NCAM1: variants seen among roughly 807,000 people sequenced by gnomAD.
The protein encoded by NCAM1 is antigen recognized by monoclonal antibody 5.1H11.
NCAM1 carries 14 observed loss-of-function variants against 109.8 expected under a neutral mutation model. The observed-to-expected ratio is 0.13, with a 90% confidence interval of 0.08 to 0.20. The LOEUF (loss-of-function observed/expected upper bound fraction) is 0.20, where lower values mean the gene tolerates loss of function less well. NCAM1 is among the 10% of genes least tolerant of loss of function. NCAM1 has a pLI of 1.00. For missense variants in NCAM1, 774 were observed against 1,109.9 expected, an observed-to-expected ratio of 0.70 and a Z score of 4.30; for synonymous variants, 418 against 442.9, an observed-to-expected ratio of 0.94 and a Z score of 0.70.
At chr11:113,204,021 G>T (rs2136914134) in intron 2 of NCAM1, among the ~76,000 whole-genome samples, 1 of 152,284 alleles carries the variant, frequency 6.6e-6, no homozygotes, top group East Asian at 1.9e-4. Context: ...TCCATCATTA[G>T]GGATAGGACC....
intron 12 of NCAM1, among the ~76,000 whole-genome samples, 154 bp downstream of exon 12, chr11:113,232,968 A>G (rs928009806): frequency 6.6e-6 from 1 of 152,178 alleles, no homozygotes; most frequent in Non-Finnish European, 1.5e-5. Context: ...GAGCCATTGG[A>G]TCAGCGCATG....
intron 1 of NCAM1, among the ~76,000 whole-genome samples, chr11:113,004,064 C>T (rs1348478774): frequency 1.3e-5 from 2 of 152,122 alleles, no homozygotes; most frequent in Non-Finnish European, 2.9e-5. Context: ...TTCTTCCAAC[C>T]GTGGAAAAAC....
intron 14 of NCAM1, among the ~76,000 whole-genome samples, chr11:113,239,026 A>T (rs782259662): frequency 6.6e-6 from 1 of 152,160 alleles, no homozygotes; most frequent in Non-Finnish European, 1.5e-5. Flanking sequence ...AGACCTTTCC[A>T]TGTTTAGGGA....
chr11:113,050,988 A>G (rs963899496), intron 1 of NCAM1, among the ~76,000 whole-genome samples: 11 of 152,220 alleles, frequency 7.2e-5, no homozygotes, highest in South Asian at 4.2e-4. Context: ...ATCATTTTCT[A>G]TCTTGTCCTC....
At chr11:113,051,764 CTG>C (rs1417698064) in intron 1 of NCAM1, among the ~76,000 whole-genome samples, 1 of 152,180 alleles carries the variant, frequency 6.6e-6, no homozygotes, top group Non-Finnish European at 1.5e-5. Flanking sequence ...ATAGCTAACA[CTG>C]AGCAGTAGTT....
intron 1 of NCAM1, among the ~76,000 whole-genome samples, chr11:113,170,915 T>A (rs1205987529): frequency 6.6e-6 from 1 of 152,216 alleles, no homozygotes; most frequent in Non-Finnish European, 1.5e-5. Context: ...TGAGCCGATG[T>A]TGGTGTTGCA....
At chr11:113,201,165 G>A (rs1239253977) in intron 1 of NCAM1, among the ~76,000 whole-genome samples, 2 of 152,046 alleles carry the variant, frequency 1.3e-5, no homozygotes, top group African/African-American at 2.4e-5. Flanking sequence ...TAGGAAGGCC[G>A]CACCCCCTTC....
At chr11:113,201,239 A>G (rs990271932) in intron 1 of NCAM1, among the ~76,000 whole-genome samples, 1 of 152,116 alleles carries the variant, frequency 6.6e-6, no homozygotes, top group Non-Finnish European at 1.5e-5. Flanking sequence ...CTCTCCATCA[A>G]ATAAGCATAG....
intron 1 of NCAM1, among the ~76,000 whole-genome samples, chr11:112,966,241 G>A (rs1555065336): frequency 6.6e-6 from 1 of 152,200 alleles, no homozygotes; most frequent in Non-Finnish European, 1.5e-5. Flanking sequence ...TGTATAAAAT[G>A]AAGTCATTTG....
chr11:113,043,815 A>G (rs1328801706), intron 1 of NCAM1, among the ~76,000 whole-genome samples: 1 of 151,278 alleles, frequency 6.6e-6, no homozygotes, highest in African/African-American at 2.4e-5. Context: ...TCCCTCCCCA[A>G]CCTGCAGGGC....
At chr11:113,255,614 A>T (rs1301064784) in intron 15 of NCAM1, among the ~76,000 whole-genome samples, 2 of 151,482 alleles carry the variant, frequency 1.3e-5, no homozygotes, top group African/African-American at 2.4e-5. Context: ...AAAAAAAAAA[A>T]AAAGCCTATT....
intron 13 of NCAM1, among the ~76,000 whole-genome samples, chr11:113,234,783 T>C (rs1555117926): frequency 6.6e-6 from 1 of 152,182 alleles, no homozygotes; most frequent in Non-Finnish European, 1.5e-5. Context: ...CTGTTTGGTC[T>C]GCCATCTGTA....
At chr11:113,253,001 A>G (rs1329694843) in intron 15 of NCAM1, among the ~76,000 whole-genome samples, 2 of 151,862 alleles carry the variant, frequency 1.3e-5, no homozygotes, top group East Asian at 3.8e-4. Flanking sequence ...AAAATAATAC[A>G]CACATATCAG....
At chr11:112,972,283 T>C (rs1484680434) in intron 1 of NCAM1, among the ~76,000 whole-genome samples, 6 of 152,168 alleles carry the variant, frequency 3.9e-5, no homozygotes, top group Non-Finnish European at 5.9e-5. Context: ...TAGTAATCTA[T>C]ATTTTTATAT....
intron 17 of NCAM1, chr11:113,269,868 T>C: frequency 2.4e-6 from 1 of 410,620 alleles, no homozygotes; most frequent in South Asian, 2.6e-5. Context: ...AGCAGCGCCC[T>C]CCAACTGCCT....
At chr11:113,129,163 T>C (rs1032987197) in intron 1 of NCAM1, among the ~76,000 whole-genome samples, 3 of 152,152 alleles carry the variant, frequency 2.0e-5, no homozygotes, top group Non-Finnish European at 4.4e-5. Flanking sequence ...CACTTCTGGA[T>C]TGGAGAAGTG....
At position 113,214,528 on chromosome 11, in the gene NCAM1, G is replaced by A; in HGVS notation, c.1059+17G>A. On this transcript the variant is annotated intron_variant, in intron 8 of 19. Transcript: ENST00000316851. ...GAAGAAAAGGTATCATGCTCCCCAG[G>A]AGTTTCAGGGCCTTGGAATGCAGAC... 2 of 1,587,870 alleles carry A rather than the reference G, an allele frequency of 1.3e-6. No individual in the cohort carries two copies. The highest frequency in any genetic ancestry group is 2.3e-5 in the East Asian group (1 of 43,716).
At chr11:113,040,632 A>G (rs1271315711) in intron 1 of NCAM1, among the ~76,000 whole-genome samples, 1 of 152,220 alleles carries the variant, frequency 6.6e-6, no homozygotes, top group African/African-American at 2.4e-5. Context: ...AGAAATCAAA[A>G]TAACTTTGGT....
chr11:113,091,241 C>A (rs1242366894), intron 1 of NCAM1, among the ~76,000 whole-genome samples: 1 of 151,860 alleles, frequency 6.6e-6, no homozygotes, highest in Admixed American at 6.5e-5. Flanking sequence ...AGAGAGAAAT[C>A]TGTTTACCCT....
Sources: allele counts gnomAD v4.1 joint callset (sites outside exome capture counted in the v4.1 genomes callset), GRCh38; gene constraint gnomAD v4.1.1; transcripts MANE v1.5; gene names NCBI Gene and HGNC (gene_info 2026-07-23, HGNC 2026-07-21).